SRGAP3: variants seen among roughly 807,000 people sequenced by gnomAD.
The protein encoded by SRGAP3 is SLIT-ROBO Rho GTPase-activating protein 3.
In SRGAP3, 39 loss-of-function variants were observed where a neutral mutation model predicts 121.1. That is an observed-to-expected ratio of 0.32 (90% confidence interval 0.25 to 0.42). The LOEUF (loss-of-function observed/expected upper bound fraction) is 0.42. Ranked by LOEUF, SRGAP3 falls within the 10% of genes least tolerant of loss-of-function variation. SRGAP3 has a pLI of 1.00. For synonymous variants in SRGAP3, 601 were observed against 570.0 expected, an observed-to-expected ratio of 1.05 and a Z score of -0.77; for missense variants, 1,213 against 1,470.6, an observed-to-expected ratio of 0.82 and a Z score of 2.86.
At chr3:8,993,908 A>G (rs1045710414) in intron 19 of SRGAP3, 2 of 188,020 alleles carry the variant, frequency 1.1e-5, no homozygotes, top group Admixed American at 5.5e-5. Flanking sequence ...AACCCCTGAA[A>G]TTATTTTTTA....
rs1181358620 is a variant in SRGAP3 at position 9,221,953 on chromosome 3, G to A, written c.67+26932C>T. 2.0e-5 allele frequency among the ~76,000 whole-genome samples: 3 copies of A among 152,194 alleles called. No individual in the cohort carries two copies. In the South Asian group the frequency reaches 6.2e-4, roughly 32 times the overall value. On this transcript the variant is annotated intron_variant, in intron 1 of 21. Transcript: ENST00000383836. ...AAGGATTCTTCTTAACTCTGTGCCT[G>A]CTCAGCGCCTGGCCAGGGCAGGACT...
chr3:9,234,282 G>A (rs996156782), intron 1 of SRGAP3, among the ~76,000 whole-genome samples: 1 of 152,076 alleles, frequency 6.6e-6, no homozygotes, highest in African/African-American at 2.4e-5. Flanking sequence ...TAGATCTTTG[G>A]GAGACCCAAA....
chr3:9,276,864 G>T (rs1232547540), intron 3 of SRGAP3, among the ~76,000 whole-genome samples: 1 of 152,186 alleles, frequency 6.6e-6, no homozygotes, highest in Non-Finnish European at 1.5e-5. Flanking sequence ...CCAAAGAAAT[G>T]GAATTGGAAT....
At chr3:9,349,237 C>A in intron 1 of SRGAP3, 1 of 596,464 alleles carries the variant, frequency 1.7e-6, no homozygotes, top group South Asian at 1.6e-5. Flanking sequence ...CCTCCCTGCC[C>A]ATCGCGTCCC....
At chr3:9,124,443 C>T (rs1168627199) in intron 2 of SRGAP3, among the ~76,000 whole-genome samples, 1 of 152,236 alleles carries the variant, frequency 6.6e-6, no homozygotes, top group Non-Finnish European at 1.5e-5. Flanking sequence ...ATAATAATAA[C>T]AGCAACAATT....
At position 9,059,282 on chromosome 3, in the gene SRGAP3, C is replaced by T. The variant is rs182232733; in HGVS notation, c.802-810G>A. The T allele has an allele frequency of 3.9e-5, 6 of 152,236 alleles. 1 individual carries two copies. The highest frequency in any genetic ancestry group is 1.3e-4 in the Admixed American group (2 of 15,280). The allele number at this position is 152,236 out of a possible 1,614,324, so 9.4% of individuals were successfully genotyped here. On this transcript the variant is annotated intron_variant, in intron 6 of 21. Transcript: ENST00000383836. Reference sequence around the variant, plus strand: ...CTGCTCCTGCTCCTCAAGTTCCAGACAACAGCAGGTGCTCAATTAATATAT... The same window carrying T: ...CTGCTCCTGCTCCTCAAGTTCCAGATAACAGCAGGTGCTCAATTAATATAT...
chr3:9,074,876 C>T (rs1946888236), intron 4 of SRGAP3, among the ~76,000 whole-genome samples: 1 of 152,170 alleles, frequency 6.6e-6, no homozygotes. Context: ...ATGGACACTC[C>T]TCAGGCCCTC....
intron 4 of SRGAP3, among the ~76,000 whole-genome samples, chr3:9,076,142 C>T (rs990266662): frequency 2.6e-5 from 4 of 152,000 alleles, no homozygotes; most frequent in Non-Finnish European, 5.9e-5. Context: ...TTTTAATTGA[C>T]CAGAAAACTG....
intron 2 of SRGAP3, among the ~76,000 whole-genome samples, chr3:9,115,024 C>T (rs763571949): frequency 5.3e-5 from 8 of 152,204 alleles, no homozygotes; most frequent in Admixed American, 2.0e-4. Context: ...CAGATGGACA[C>T]GGCTAGCACA....
chr3:9,020,774 T>C (rs188344347), intron 14 of SRGAP3, among the ~76,000 whole-genome samples: 2 of 152,288 alleles, frequency 1.3e-5, no homozygotes, highest in Admixed American at 6.5e-5. Context: ...ACGAGCTGGA[T>C]GGTTCCTGTG....
intron 12 of SRGAP3, among the ~76,000 whole-genome samples, chr3:9,027,297 A>C (rs1944258039): frequency 6.6e-6 from 1 of 152,148 alleles, no homozygotes. Flanking sequence ...AGAGGGAACC[A>C]CCTCGGGGGG....
At chr3:9,284,188 C>T (rs1954727734) in intron 3 of SRGAP3, among the ~76,000 whole-genome samples, 1 of 151,504 alleles carries the variant, frequency 6.6e-6, no homozygotes, top group African/African-American at 2.4e-5. Flanking sequence ...CACAAGTGCT[C>T]TTCCTGAAAC....
rs1486938164 is a variant in SRGAP3 at position 9,218,889 on chromosome 3, T to C, written c.67+29996A>G. Among the ~76,000 whole-genome samples the C allele has an allele frequency of 1.3e-5, 2 of 152,176 alleles. No individual in the cohort carries two copies. The highest frequency in any genetic ancestry group is 2.9e-5 in the Non-Finnish European group (2 of 68,014). ...GGTTTCACCATGTTGGCCAGGCTGG[T>C]CTCAAACTCCTGACCTCAGGTGATC... On this transcript the variant is annotated intron_variant, in intron 1 of 21. Coordinates refer to ENST00000383836, the MANE Select transcript of SRGAP3 (RefSeq NM_014850.4). The surrounding 1 kb of genome is among the most constrained non-coding windows in gnomAD (Gnocchi z 5.3).
At chr3:8,998,219 C>A (rs919508858) in intron 18 of SRGAP3, among the ~76,000 whole-genome samples, 1 of 152,240 alleles carries the variant, frequency 6.6e-6, no homozygotes, top group African/African-American at 2.4e-5. Context: ...TTAAAACAGA[C>A]AAGTGTCTTC....
At chr3:9,083,789 G>T (rs1575047750) in intron 3 of SRGAP3, among the ~76,000 whole-genome samples, 1 of 152,002 alleles carries the variant, frequency 6.6e-6, no homozygotes, top group East Asian at 1.9e-4. Context: ...TCCCTTCTTG[G>T]TCCCTGCTGC....
At chr3:9,273,381 C>T (rs185620927) in intron 3 of SRGAP3, among the ~76,000 whole-genome samples, 3 of 152,202 alleles carry the variant, frequency 2.0e-5, no homozygotes, top group African/African-American at 7.2e-5. Context: ...GCTTATTGGA[C>T]ATTTATGTAT....
chr3:9,245,720 T>C (rs1953793847), intron 1 of SRGAP3, among the ~76,000 whole-genome samples: 1 of 152,044 alleles, frequency 6.6e-6, no homozygotes. Flanking sequence ...AGCTAGGAGT[T>C]TGAGATCAGC....
chr3:9,303,825 C>A (rs1181983376), intron 3 of SRGAP3, among the ~76,000 whole-genome samples: 1 of 152,190 alleles, frequency 6.6e-6, no homozygotes. Context: ...TCAACATTAT[C>A]TTCATCTTAA....
intron 1 of SRGAP3, among the ~76,000 whole-genome samples, chr3:9,145,903 T>C (rs1295721526): frequency 2.0e-5 from 3 of 152,198 alleles, no homozygotes; most frequent in African/African-American, 7.2e-5. Context: ...TGTGACCTGT[T>C]CAGGGACTGG....
Sources: gnomAD v4.1 joint callset for allele counts (sites outside exome capture counted in the v4.1 genomes callset) on GRCh38, gnomAD v4.1.1 for gene constraint, Gnocchi (gnomAD v3.1) non-coding constraint, MANE v1.5 for transcripts, NCBI Gene and HGNC (gene_info 2026-07-23, HGNC 2026-07-21) for gene names.